Variants in GALNT16 observed in about 807,000 individuals in gnomAD.
GALNT16 encodes the protein polypeptide N-acetylgalactosaminyltransferase 16, also known as UDP-GalNAc:polypeptide N-acetylgalactosaminyltransferase-like protein 1.
Under a neutral mutation model 76.1 loss-of-function variants are expected in GALNT16, and 40 were observed. The observed-to-expected ratio is 0.53, with a 90% CI of 0.41 to 0.68. The LOEUF is 0.68. GALNT16 is among the 30% of genes least tolerant of loss of function. The pLI, the probability that GALNT16 is intolerant of heterozygous loss-of-function variation, is 0.00. For synonymous variants in GALNT16, 276 were observed against 285.2 expected, an observed-to-expected ratio of 0.97 and a Z score of 0.32; for missense variants, 621 against 731.9, an observed-to-expected ratio of 0.85 and a Z score of 1.75.
chr14:69,376,149 G>A, the GALNT16 span, among the ~76,000 whole-genome samples: 1 of 152,118 alleles, frequency 6.6e-6, no homozygotes, highest in Non-Finnish European at 1.5e-5. Context: ...TGATCCTCCT[G>A]CCTTGGCCTC....
chr14:69,331,333 G>C (rs1442337906), intron 6 of GALNT16, 131 bp from the exon 7 acceptor site: 1 of 677,976 alleles, frequency 1.5e-6, no homozygotes, highest in Non-Finnish European at 2.7e-6. Context: ...TTGAGGGGTG[G>C]CCCTGGGCAT....
At chr14:69,287,032 A>G (rs2044622879) in intron 1 of GALNT16, among the ~76,000 whole-genome samples, 1 of 152,150 alleles carries the variant, frequency 6.6e-6, no homozygotes, top group African/African-American at 2.4e-5. Context: ...TGTAGCCCCC[A>G]TCAGTGAATC....
chr14:69,377,063 G>A, the GALNT16 span, among the ~76,000 whole-genome samples: 18,635 of 152,226 alleles, frequency 0.12, 1,363 homozygotes, highest in Middle Eastern at 0.24. Flanking sequence ...GAATACTCCC[G>A]TGGAAGAGAA....
chr14:69,346,243 G>A (rs894112252), intron 12 of GALNT16, among the ~76,000 whole-genome samples: 6 of 152,110 alleles, frequency 3.9e-5, no homozygotes, highest in East Asian at 1.9e-4. Flanking sequence ...GGATGAATCC[G>A]AATTTATTTA....
chr14:69,327,358 GAAAA>G (rs1477233873), intron 5 of GALNT16, among the ~76,000 whole-genome samples: 1 of 151,668 alleles, frequency 6.6e-6, no homozygotes, highest in African/African-American at 2.4e-5. Context: ...ACTCAGTTTC[GAAAA>G]AAAGAAAGAA....
intron 1 of GALNT16, among the ~76,000 whole-genome samples, chr14:69,280,743 C>T (rs770399947): frequency 2.0e-5 from 3 of 152,106 alleles, no homozygotes; most frequent in Non-Finnish European, 4.4e-5. Context: ...GTCACTTGCC[C>T]AAGGTCCCAG....
chr14:69,380,389 G>A, the GALNT16 span: 1 of 462,444 alleles, frequency 2.2e-6, no homozygotes. Flanking sequence ...GATTGAACAA[G>A]ATCCTCACAT....
chr14:69,260,068 C>A (rs184884986), upstream of GALNT16: 3,060 of 494,364 alleles, frequency 6.2e-3, 31 homozygotes, highest in Admixed American at 0.027. Flanking sequence ...GCCCGGGGGA[C>A]GCGCGCGCTC....
At chr14:69,273,906 T>C (rs1313809298) in intron 1 of GALNT16, among the ~76,000 whole-genome samples, 1 of 152,186 alleles carries the variant, frequency 6.6e-6, no homozygotes, top group Non-Finnish European at 1.5e-5. Context: ...TTCCTCTTCT[T>C]TGCTTAAAAA....
intron 2 of GALNT16, among the ~76,000 whole-genome samples, chr14:69,323,247 G>A (rs2045229686): frequency 1.3e-5 from 2 of 152,222 alleles, no homozygotes; most frequent in Admixed American, 1.3e-4. Context: ...AACCCCATCA[G>A]CTCCAAACTC....
chr14:69,348,495 C>G (rs2045594753), intron 14 of GALNT16: 1 of 179,226 alleles, frequency 5.6e-6, no homozygotes, highest in African/African-American at 2.4e-5. Context: ...GGATTCAAAC[C>G]CAGGTCAGTG....
chr14:69,260,136 A>ACCCCCACC, upstream of GALNT16: 6 of 113,994 alleles, frequency 5.3e-5, 2 homozygotes, highest in Non-Finnish European at 1.1e-4. Flanking sequence ...TCTCCCTATC[A>ACCCCCACC]CCCCCCCGCC....
At chr14:69,281,321 G>A (rs908962332) in intron 1 of GALNT16, among the ~76,000 whole-genome samples, 6 of 152,170 alleles carry the variant, frequency 3.9e-5, no homozygotes, top group African/African-American at 1.4e-4. Flanking sequence ...GAGAGGGTGT[G>A]ACAGCTAATC....
intron 1 of GALNT16, among the ~76,000 whole-genome samples, chr14:69,293,327 T>C (rs563618193): frequency 6.6e-6 from 1 of 152,354 alleles, no homozygotes; most frequent in South Asian, 2.1e-4. Flanking sequence ...AAGGGATTTC[T>C]TTACAGAGGC....
In GALNT16 at chr14:69,330,715, G is replaced by A. The variant is rs554980112; in HGVS notation, c.691-749G>A. ...AAGCAGAGTGGGGAAGGAGAAGAAA[G>A]AAGAGGCTCTGTTCCGTGTCCCCCA... On this transcript the variant is annotated intron_variant, in intron 6 of 14. Transcript: ENST00000448469. Among the ~76,000 whole-genome samples, 152 of 152,302 alleles carry A rather than the reference G, an allele frequency of 1.0e-3. 1 individual carries two copies. The highest frequency in any genetic ancestry group is 3.6e-3 in the African/African-American group (148 of 41,564).
At chr14:69,262,008 C>G (rs933191965) in intron 1 of GALNT16, among the ~76,000 whole-genome samples, 8 of 152,204 alleles carry the variant, frequency 5.3e-5, no homozygotes, top group Non-Finnish European at 1.2e-4. Context: ...AGCAGAGGGA[C>G]AGGTTGGAGC....
intron 4 of GALNT16, among the ~76,000 whole-genome samples, chr14:69,325,685 A>G (rs1018286302): frequency 6.6e-6 from 1 of 152,180 alleles, no homozygotes; most frequent in African/African-American, 2.4e-5. Flanking sequence ...ACAACTGCCA[A>G]ATGCAGATGA....
chr14:69,352,220 G>C lies in GALNT16; in HGVS notation c.*52G>C, dbSNP rs1220948515. On this transcript the variant is annotated 3_prime_UTR_variant, in exon 15 of 15. Transcript: ENST00000448469. ...TTTGCATGAGACTTCGGGACCGGAA[G>C]GGGGTTAGGGTGGGGGAGTGCAAAG... 1.3e-6 allele frequency: 2 copies of C among 1,521,396 alleles called. No individual in the cohort carries two copies. Among genetic ancestry groups the C allele is most frequent in the East Asian group, 2.3e-5 (1 of 43,538 alleles). The allele number at this position is 1,521,396 out of a possible 1,614,324, so 94.2% of individuals were successfully genotyped here.
At chr14:69,370,569 G>A in the GALNT16 span, among the ~76,000 whole-genome samples, 1 of 152,018 alleles carries the variant, frequency 6.6e-6, no homozygotes, top group Non-Finnish European at 1.5e-5. Flanking sequence ...TTTTCATTAT[G>A]GAAAGTTTCA....
Sources: allele counts gnomAD v4.1 joint callset (sites outside exome capture counted in the v4.1 genomes callset), GRCh38; gene constraint gnomAD v4.1.1; transcripts MANE v1.5; gene names NCBI Gene and HGNC (gene_info 2026-07-23, HGNC 2026-07-21).